Variants in TRPM5 observed in about 807,000 individuals in gnomAD.
TRPM5 encodes MLSN1 and TRP-related.
A neutral mutation model predicts 124.9 loss-of-function variants in TRPM5; 121 were observed. The ratio of observed to expected loss-of-function variants is 0.97; its 90% CI spans 0.84 to 1.13. TRPM5 has a LOEUF of 1.13. TRPM5 is among the 50% of genes most tolerant of loss of function. TRPM5 has a pLI of 0.00. For synonymous variants in TRPM5, 781 were observed against 700.5 expected (o/e 1.11, Z -1.81); for missense variants, 1,643 against 1,589.1 (o/e 1.03, Z -0.58).
At position 2,420,601 on chromosome 11, in the gene TRPM5, G is replaced by C. The variant is rs371154116; in HGVS notation, c.466-196C>G. Among the ~76,000 whole-genome samples, 7 of 152,354 alleles carry C rather than the reference G, an allele frequency of 4.6e-5. No individual in the cohort carries two copies. In the South Asian group the frequency reaches 1.0e-3, roughly 23 times the overall value. The stretch of plus-strand genomic sequence containing the variant: ...GGGGCCCGGGGACCCTCCTTCGACA[G>C]TCAGGGGCAGGGGCGGTGGGGAGCG... On this transcript the variant is annotated intron_variant, in intron 3 of 23. Transcript: ENST00000155858.
chr11:2,413,545 G>T, exon 13 of TRPM5: 2 of 1,612,478 alleles, frequency 1.2e-6, no homozygotes, highest in Non-Finnish European at 8.5e-7. Flanking sequence ...CAGGATGGGC[G>T]TGCCTGCGGC....
rs772258866 is a variant in TRPM5 at position 2,412,961 on chromosome 11, A to C, written c.2148T>G (p.Arg716=). 8.7e-6 allele frequency: 14 copies of C among 1,606,090 alleles called. No homozygotes were observed. In the African/African-American group the frequency reaches 1.9e-4, roughly 21 times the overall value. ...GCCAGCGTGTGAGCAGGAAGACAGCACGTGGGCCTCGGTCACCCTGAGCCC... is the reference window on the plus strand; with the variant it reads ...GCCAGCGTGTGAGCAGGAAGACAGCCCGTGGGCCTCGGTCACCCTGAGCCC... Residue 716 remains arginine (R), a synonymous_variant, in exon 15 of 24, where the codon CGT becomes CGG. Transcript: ENST00000155858.
chr11:2,415,718 C>A (rs965487868), intron 8 of TRPM5, among the ~76,000 whole-genome samples, 188 bp downstream of exon 13: 6 of 152,220 alleles, frequency 3.9e-5, no homozygotes, highest in African/African-American at 1.2e-4. Context: ...CGGCACCCAG[C>A]CAGCTCTGCC....
exon 24 of TRPM5, chr11:2,404,884 T>C (rs1178846807): frequency 2.3e-5 from 34 of 1,502,892 alleles, no homozygotes; most frequent in Non-Finnish European, 3.1e-5. Context: ...GTGCACAACG[T>C]GCAGGGTGGC....
intron 4 of TRPM5, among the ~76,000 whole-genome samples, 159 bp downstream of exon 9, chr11:2,420,063 C>A (rs146237898): frequency 3.3e-5 from 1 of 30,270 alleles, no homozygotes; most frequent in African/African-American, 1.8e-4. Flanking sequence ...ACGGCCCAGG[C>A]CCCCACGGCC....
At chr11:2,414,199 G>A (rs754671457) in exon 12 of TRPM5, 1 of 1,608,756 alleles carries the variant, frequency 6.2e-7, no homozygotes, top group African/African-American at 1.3e-5. Context: ...AGCACTCGGA[G>A]AAGAGGTCTG....
At position 2,418,150 on chromosome 11, in the gene TRPM5, G is replaced by A; in HGVS notation, c.906+17C>T. ...CGGAGGAGGGGTCGGGAGGACAGGGGAGGGGGCAGCACATACCAGCTTGGT... is the reference window on the plus strand; with the variant it reads ...CGGAGGAGGGGTCGGGAGGACAGGGAAGGGGGCAGCACATACCAGCTTGGT... On this transcript the variant is annotated intron_variant, in intron 6 of 23. Coordinates refer to ENST00000155858, the Ensembl canonical transcript of TRPM5. The A allele has an allele frequency of 6.5e-7, 1 of 1,536,100 alleles. No homozygotes were observed. The highest frequency in any genetic ancestry group is 1.4e-5 in the African/African-American group (1 of 73,456).
rs72845801 is a variant in TRPM5, at chr11:2,406,414, A to C, written c.3251+247T>G. Among the ~76,000 whole-genome samples, 13,188 of 151,854 alleles carry C rather than the reference A, an allele frequency of 0.087. 772 individuals carry two copies. The highest frequency in any genetic ancestry group is 0.17 in the African/African-American group (7,089 of 41,356). ...GGGAAGCCAGGGGTGGGTAGTCCCA[A>C]CCCTGAGACCACAGCAGGGAGGGCG... On this transcript the variant is annotated intron_variant, in intron 21 of 23. Coordinates refer to ENST00000155858, the Ensembl canonical transcript of TRPM5.
intron 8 of TRPM5, 152 bp from the exon 14 acceptor site, chr11:2,415,623 G>A: frequency 1.1e-5 from 7 of 655,152 alleles, no homozygotes; most frequent in Middle Eastern, 3.9e-4. Flanking sequence ...ACCCCAGCCT[G>A]CCCCCTGCAT....
chr11:2,439,337 T>G, the TRPM5 span, among the ~76,000 whole-genome samples: 2 of 152,234 alleles, frequency 1.3e-5, no homozygotes, highest in African/African-American at 4.8e-5. Context: ...GGGACCTAAT[T>G]AAGCTAAAGA....
the TRPM5 span, among the ~76,000 whole-genome samples, chr11:2,440,135 A>G: frequency 2.7e-5 from 4 of 147,758 alleles, no homozygotes; most frequent in South Asian, 8.4e-4. The surrounding 1 kb of genome is among the most constrained non-coding windows in gnomAD (Gnocchi z 5.2). Context: ...GAACTAAATG[A>G]TGGGTGCTCA....
exon 24 of TRPM5, chr11:2,404,879 C>T: frequency 1.4e-6 from 2 of 1,480,902 alleles, no homozygotes; most frequent in Non-Finnish European, 1.9e-6. Context: ...GGTCAGTGCA[C>T]AACGTGCAGG....
At position 2,411,536 on chromosome 11, in the gene TRPM5, G is replaced by A. The variant is rs375476916; in HGVS notation, c.2608-10C>T. The A allele has an allele frequency of 4.5e-5, 72 of 1,608,134 alleles. 1 individual carries two copies. In the East Asian group the frequency reaches 6.0e-4, roughly 13 times the overall value. Reference sequence around the variant, plus strand: ...AGAAGACGTCCTTCATCTCCACGGGGCAGGGGCAGAGAGAGGGACGTCAGC... The same window carrying A: ...AGAAGACGTCCTTCATCTCCACGGGACAGGGGCAGAGAGAGGGACGTCAGC... On this transcript the variant is annotated splice_polypyrimidine_tract_variant and intron_variant, in intron 17 of 23. Transcript: ENST00000155858.
chr11:2,404,170 G>C (rs998199651), downstream of TRPM5, among the ~76,000 whole-genome samples: 7 of 152,220 alleles, frequency 4.6e-5, no homozygotes, highest in Admixed American at 4.6e-4. Context: ...GCAGACCACA[G>C]CTTGGGAAGC....
At chr11:2,439,272 G>T in the TRPM5 span, among the ~76,000 whole-genome samples, 1 of 152,196 alleles carries the variant, frequency 6.6e-6, no homozygotes, top group Non-Finnish European at 1.5e-5. Context: ...CGCTGGGAAA[G>T]AATTTATGAT....
chr11:2,437,327 A>C, the TRPM5 span, among the ~76,000 whole-genome samples: 3 of 152,118 alleles, frequency 2.0e-5, no homozygotes, highest in Non-Finnish European at 4.4e-5. This position sits in a 1 kb window ranked among gnomAD's most constrained non-coding sequence, Gnocchi z 5.6. Flanking sequence ...CATCTCCTAC[A>C]TCTCCTGATT....
rs563006496 is a variant in TRPM5 at position 2,414,041 on chromosome 11, C to T, written c.1890+20G>A. 1.8e-5 allele frequency: 27 copies of T among 1,535,592 alleles called. No homozygotes were observed. Among genetic ancestry groups the T allele is most frequent in the South Asian group, 4.8e-5 (4 of 84,008 alleles). On this transcript the variant is annotated intron_variant, in intron 12 of 23. Coordinates refer to ENST00000155858, the Ensembl canonical transcript of TRPM5. ...CACCCCACCCCCTGGCAGCTCTCCT[C>T]GAGGACAGCTGGCACTCACCTGAAC...
chr11:2,407,083 CCT>C (rs759411821), intron 20 of TRPM5, 34 bp downstream of exon 25: 1 of 1,022,510 alleles, frequency 9.8e-7, no homozygotes, highest in South Asian at 2.1e-5. Flanking sequence ...GCCACCTCGG[CCT>C]CACCCAGGTG....
At chr11:2,426,091 C>T (rs1297664548), upstream of TRPM5, among the ~76,000 whole-genome samples, 3 of 152,194 alleles carry the variant, frequency 2.0e-5, no homozygotes, top group South Asian at 4.1e-4. Flanking sequence ...GCAAGACCCC[C>T]GGGACGACCA....
Sources: allele counts gnomAD v4.1 joint callset (sites outside exome capture counted in the v4.1 genomes callset), GRCh38; gene constraint gnomAD v4.1.1; non-coding constraint Gnocchi (gnomAD v3.1); transcripts MANE v1.5; gene names NCBI Gene and HGNC (gene_info 2026-07-23, HGNC 2026-07-21).